RBFOX1: variants seen among roughly 807,000 people sequenced by gnomAD.
RBFOX1 encodes RNA binding protein fox-1 homolog 1.
A neutral mutation model predicts 57.7 loss-of-function variants in RBFOX1; 8 were observed. The observed-to-expected ratio is 0.14, with a 90% CI of 0.08 to 0.25. RBFOX1 has a LOEUF of 0.25. Ranked by LOEUF, RBFOX1 falls within the 10% of genes least tolerant of loss-of-function variation. The pLI is 1.00. For synonymous variants in RBFOX1, 326 were observed against 222.4 expected, an observed-to-expected ratio of 1.47 and a Z score of -4.15; for missense variants, 611 against 548.5, an observed-to-expected ratio of 1.11 and a Z score of -1.14.
At chr16:6,535,564 A>G (rs748142539) in intron 2 of RBFOX1, among the ~76,000 whole-genome samples, 10 of 152,196 alleles carry the variant, frequency 6.6e-5, no homozygotes, top group Non-Finnish European at 1.2e-4. Context: ...TCTTTAGCAC[A>G]TGTAAATGGC....
chr16:6,312,168 T>C (rs1039426403), intron 1 of RBFOX1, among the ~76,000 whole-genome samples: 13 of 152,048 alleles, frequency 8.5e-5, no homozygotes, highest in African/African-American at 2.7e-4. Context: ...CCATTCAAAC[T>C]CACTCAATAA....
chr16:6,529,795 G>A (rs960284530), intron 2 of RBFOX1, among the ~76,000 whole-genome samples: 5 of 152,082 alleles, frequency 3.3e-5, no homozygotes, highest in Admixed American at 2.6e-4. Flanking sequence ...AATCTGAACT[G>A]CATGTCTTGT....
intron 5 of RBFOX1, among the ~76,000 whole-genome samples, chr16:7,547,672 G>C (rs1567769741): frequency 6.6e-6 from 1 of 152,152 alleles, no homozygotes; most frequent in South Asian, 2.1e-4. Flanking sequence ...TTGCAAATTA[G>C]ACTTTTAAAT....
At chr16:6,404,713 G>A (rs1349629882) in intron 2 of RBFOX1, among the ~76,000 whole-genome samples, 1 of 152,138 alleles carries the variant, frequency 6.6e-6, no homozygotes, top group Non-Finnish European at 1.5e-5. Flanking sequence ...ACCTTTTGCT[G>A]TTCCCAGATT....
chr16:6,931,368 T>C (rs1268613363), intron 3 of RBFOX1, among the ~76,000 whole-genome samples: 1 of 150,006 alleles, frequency 6.7e-6, no homozygotes, highest in East Asian at 2.0e-4. Flanking sequence ...CACACATACA[T>C]ACACATATAT....
chr16:7,612,365 G>C (rs1596483292), intron 10 of RBFOX1, among the ~76,000 whole-genome samples: 2 of 143,864 alleles, frequency 1.4e-5, no homozygotes, highest in Non-Finnish European at 3.0e-5. Context: ...ATGATTGTAA[G>C]TCCCCACACA....
intron 4 of RBFOX1, among the ~76,000 whole-genome samples, chr16:5,967,423 T>G (rs892352178): frequency 3.9e-5 from 6 of 152,206 alleles, no homozygotes; most frequent in Non-Finnish European, 7.3e-5. Context: ...CTTAACCCGG[T>G]ATTGGAATCA....
intron 5 of RBFOX1, among the ~76,000 whole-genome samples, chr16:7,569,497 A>C (rs185903114): frequency 3.9e-5 from 6 of 152,160 alleles, no homozygotes; most frequent in Admixed American, 2.6e-4. Context: ...CCTCTGTTTC[A>C]CTTCTCAGGA....
chr16:7,645,664 A>C (rs902281188), intron 11 of RBFOX1, among the ~76,000 whole-genome samples: 9 of 152,342 alleles, frequency 5.9e-5, no homozygotes, highest in Non-Finnish European at 1.0e-4. Context: ...TGGTGATTAG[A>C]CTTGTACATT....
At chr16:6,732,121 C>G (rs143571726) in intron 3 of RBFOX1, among the ~76,000 whole-genome samples, 104 of 152,216 alleles carry the variant, frequency 6.8e-4, no homozygotes, top group African/African-American at 2.3e-3. Context: ...GCATCTGATT[C>G]TTCTGCATAG....
At chr16:7,002,573 G>A (rs960971928) in intron 3 of RBFOX1, among the ~76,000 whole-genome samples, 3 of 152,028 alleles carry the variant, frequency 2.0e-5, no homozygotes, top group Admixed American at 6.6e-5. Flanking sequence ...TTTGCTGGGC[G>A]TGGTGGCATG....
intron 4 of RBFOX1, among the ~76,000 whole-genome samples, chr16:7,469,769 C>T (rs186057633): frequency 1.3e-5 from 2 of 152,148 alleles, no homozygotes; most frequent in African/African-American, 4.8e-5. Flanking sequence ...TGTGCAATTA[C>T]TACCATTGAT....
intron 1 of RBFOX1, among the ~76,000 whole-genome samples, chr16:6,306,517 G>T (rs146610868): frequency 7.6e-4 from 115 of 152,262 alleles, no homozygotes; most frequent in African/African-American, 2.5e-3. Context: ...AAATCCTTTG[G>T]CCTTCTTAAT....
At chr16:6,552,294 C>G (rs1328268657) in intron 2 of RBFOX1, among the ~76,000 whole-genome samples, 1 of 152,102 alleles carries the variant, frequency 6.6e-6, no homozygotes. Context: ...AAGAGAATAA[C>G]TAATATCAGG....
At chr16:6,986,691 C>G (rs1342200550) in intron 3 of RBFOX1, among the ~76,000 whole-genome samples, 1 of 152,136 alleles carries the variant, frequency 6.6e-6, no homozygotes, top group Non-Finnish European at 1.5e-5. Flanking sequence ...TTCTCTCTCT[C>G]CTTCTCTCTG....
chr16:7,333,490 T>C (rs995305137), intron 4 of RBFOX1, among the ~76,000 whole-genome samples: 3 of 152,286 alleles, frequency 2.0e-5, no homozygotes, highest in Non-Finnish European at 2.9e-5. Flanking sequence ...GAAAGGAGCA[T>C]GAAATATGCA....
chr16:7,439,950 T>C (rs1328883933), intron 4 of RBFOX1, among the ~76,000 whole-genome samples: 3 of 18,944 alleles, frequency 1.6e-4, no homozygotes, highest in Non-Finnish European at 1.9e-4. Context: ...CTTTTCTTTC[T>C]TTTTTTTTTT....
chr16:6,676,376 G>A (rs968880095), intron 3 of RBFOX1, among the ~76,000 whole-genome samples: 8 of 152,024 alleles, frequency 5.3e-5, no homozygotes, highest in African/African-American at 1.7e-4. Flanking sequence ...CAATGGCAGC[G>A]CCTGCCCCAG....
intron 3 of RBFOX1, among the ~76,000 whole-genome samples, chr16:5,752,083 C>G (rs896906654): frequency 6.6e-6 from 1 of 152,040 alleles, no homozygotes; most frequent in African/African-American, 2.4e-5. Context: ...GCAATACTAT[C>G]CAGCCATAAA....
Sources: gnomAD v4.1 joint callset for allele counts (sites outside exome capture counted in the v4.1 genomes callset) on GRCh38, gnomAD v4.1.1 for gene constraint, MANE v1.5 for transcripts, NCBI Gene and HGNC (gene_info 2026-07-23, HGNC 2026-07-21) for gene names.